The following PTPRD variants were observed in gnomAD, a reference collection of about 807,000 sequenced individuals.
PTPRD encodes the protein receptor-type tyrosine-protein phosphatase delta.
Under a neutral mutation model 214.5 loss-of-function variants are expected in PTPRD, and 34 were observed. That is an observed-to-expected ratio of 0.16 (90% CI 0.12 to 0.21). The LOEUF (loss-of-function observed/expected upper bound fraction) is 0.21. Ranked by LOEUF, PTPRD falls within the 10% of genes least tolerant of loss-of-function variation. The pLI is 1.00. For missense variants in PTPRD, 2,545 were observed against 2,398.7 expected (o/e 1.06, Z -1.27); for synonymous variants, 1,128 against 845.7 (o/e 1.33, Z -5.79).
At chr9:8,533,369 T>G (rs1277928625) in intron 14 of PTPRD, among the ~76,000 whole-genome samples, 1 of 152,056 alleles carries the variant, frequency 6.6e-6, no homozygotes, top group Non-Finnish European at 1.5e-5. Flanking sequence ...GCCATGGTAT[T>G]GGGAAAAATC....
In PTPRD at chr9:9,112,688, A is replaced by C. The variant is rs10977503; in HGVS notation, c.-143+70616T>G. 5.2e-3 allele frequency among the ~76,000 whole-genome samples: 788 copies of C among 152,262 alleles called. 12 individuals carry two copies. The highest frequency in any genetic ancestry group is 0.018 in the African/African-American group (756 of 41,552). ...AATGGCAAAATGAAAAGCTTTTAAG[A>C]AAGAGAATAAATGTGCAGGCTTAAA... On this transcript the variant is annotated intron_variant, in intron 10 of 45. Transcript: ENST00000381196.
chr9:8,930,371 T>A (rs549785192), intron 11 of PTPRD, among the ~76,000 whole-genome samples: 20 of 152,268 alleles, frequency 1.3e-4, no homozygotes, highest in African/African-American at 4.6e-4. Flanking sequence ...TTGTTGGACA[T>A]CTGGGTTGGT....
intron 12 of PTPRD, chr9:8,713,207 G>A (rs577725272): frequency 6.9e-6 from 4 of 579,344 alleles, no homozygotes; most frequent in African/African-American, 1.9e-5. Context: ...CATTTGATCT[G>A]AAATTTGGTA....
intron 44 of PTPRD, among the ~76,000 whole-genome samples, chr9:8,330,889 CTAAAATATATTAGTTTAAA>C (rs1563985563): frequency 1.3e-5 from 2 of 150,004 alleles, no homozygotes; most frequent in African/African-American, 5.1e-5. Flanking sequence ...TGCCAGAACC[CTAAAATATATTAGTTTAAA>C]TAAAATTAGA....
chr9:9,660,394 C>G (rs1157254824), intron 7 of PTPRD, among the ~76,000 whole-genome samples: 1 of 151,856 alleles, frequency 6.6e-6, no homozygotes, highest in South Asian at 2.1e-4. Flanking sequence ...TAGCTACAGC[C>G]AAGTATGAGA....
In PTPRD at chr9:8,866,205, T is replaced by G. The variant is rs117771320; in HGVS notation, c.-103-132259A>C. On this transcript the variant is annotated intron_variant, in intron 11 of 45. Transcript: ENST00000381196. ...GATTTAAAAGGCAAACCAAAACTAT[T>G]CTTTCCCAACTGTGTGATTACTTTA... 8.8e-3 allele frequency among the ~76,000 whole-genome samples: 1,343 copies of G among 152,278 alleles called. 9 individuals are homozygous for G. Among genetic ancestry groups the G allele is most frequent in the Non-Finnish European group, 0.014 (979 of 68,028 alleles).
chr9:9,122,247 C>T (rs1211232518), intron 10 of PTPRD, among the ~76,000 whole-genome samples: 2 of 152,154 alleles, frequency 1.3e-5, no homozygotes, highest in East Asian at 3.9e-4. Context: ...AGAGAAGCAA[C>T]ACTTATTCAG....
intron 7 of PTPRD, among the ~76,000 whole-genome samples, chr9:9,580,641 A>G (rs2090500269): frequency 6.9e-6 from 1 of 145,120 alleles, no homozygotes. Flanking sequence ...CTCTGCCTCC[A>G]TGATTCAAGC....
intron 9 of PTPRD, among the ~76,000 whole-genome samples, chr9:9,346,575 A>C (rs1272351367): frequency 6.6e-6 from 1 of 152,058 alleles, no homozygotes; most frequent in Non-Finnish European, 1.5e-5. Flanking sequence ...TAAGTATGTA[A>C]CTCTAGTTGT....
intron 5 of PTPRD, among the ~76,000 whole-genome samples, chr9:9,819,271 A>C (rs1421182392): frequency 6.6e-6 from 1 of 152,082 alleles, no homozygotes; most frequent in African/African-American, 2.4e-5. Flanking sequence ...AGGTCTCTAT[A>C]ACGATTTATT....
intron 7 of PTPRD, among the ~76,000 whole-genome samples, chr9:9,714,946 T>G (rs1335503978): frequency 6.6e-6 from 1 of 152,232 alleles, no homozygotes; most frequent in Non-Finnish European, 1.5e-5. Context: ...TATTATGTTT[T>G]TTATTGTTGG....
chr9:9,275,378 T>C (rs1287285731), intron 9 of PTPRD, among the ~76,000 whole-genome samples: 1 of 149,406 alleles, frequency 6.7e-6, no homozygotes, highest in African/African-American at 2.5e-5. Context: ...TGTATGTATG[T>C]ATTTCCCTCA....
At chr9:9,221,313 G>C (rs1159451294) in intron 9 of PTPRD, among the ~76,000 whole-genome samples, 1 of 152,048 alleles carries the variant, frequency 6.6e-6, no homozygotes, top group Non-Finnish European at 1.5e-5. Context: ...ACTTGCTTCT[G>C]GTTACACTGG....
chr9:9,318,769 A>G (rs1964810216), intron 9 of PTPRD, among the ~76,000 whole-genome samples: 1 of 152,162 alleles, frequency 6.6e-6, no homozygotes, highest in Non-Finnish European at 1.5e-5. Context: ...TCATAATATA[A>G]TATTATGGAC....
intron 2 of PTPRD, among the ~76,000 whole-genome samples, chr9:10,536,158 T>C (rs543768720): frequency 1.3e-5 from 2 of 152,108 alleles, no homozygotes; most frequent in Non-Finnish European, 1.5e-5. Context: ...CCAAGGAATA[T>C]GTCTGCTTAA....
At chr9:9,745,182 A>T (rs1311267594) in intron 6 of PTPRD, among the ~76,000 whole-genome samples, 1 of 152,150 alleles carries the variant, frequency 6.6e-6, no homozygotes, top group Non-Finnish European at 1.5e-5. Context: ...ACTATAGTTT[A>T]TCATGTCTCT....
intron 11 of PTPRD, among the ~76,000 whole-genome samples, chr9:8,748,533 A>G (rs1209901769): frequency 2.3e-5 from 3 of 129,956 alleles, no homozygotes; most frequent in African/African-American, 7.3e-5. Flanking sequence ...AAAAAAAAAA[A>G]AAAAAAAGAA....
In PTPRD at chr9:8,460,247, T is replaced by G. The variant is rs547467446; in HGVS notation, c.3875+164A>C. On this transcript the variant is annotated intron_variant, in intron 33 of 45. Coordinates refer to ENST00000381196, the MANE Select transcript of PTPRD (RefSeq NM_002839.4). ...ATAAGATTCCAAATAGTACAGTCTTTACATTTTGATCTTACTGTAATGTAA... is the reference window on the plus strand; with the variant it reads ...ATAAGATTCCAAATAGTACAGTCTTGACATTTTGATCTTACTGTAATGTAA... 41 of 862,406 alleles carry G rather than the reference T, an allele frequency of 4.8e-5. 1 individual carries two copies. The South Asian group carries it at 5.3e-4, about 11-fold the overall frequency. 53.4% of individuals were successfully genotyped at this position (862,406 alleles called of 1,614,324 possible).
intron 3 of PTPRD, among the ~76,000 whole-genome samples, chr9:10,284,806 C>A (rs1292775448): frequency 6.6e-6 from 1 of 152,056 alleles, no homozygotes; most frequent in Non-Finnish European, 1.5e-5. Flanking sequence ...GCATCTGCTG[C>A]TTCTAGTCTC....
Sources: gnomAD v4.1 joint callset for allele counts (sites outside exome capture counted in the v4.1 genomes callset) on GRCh38, gnomAD v4.1.1 for gene constraint, MANE v1.5 for transcripts, NCBI Gene and HGNC (gene_info 2026-07-23, HGNC 2026-07-21) for gene names.